Variants in COMMD10 observed in about 807,000 individuals in gnomAD.
The protein encoded by COMMD10 is COMM domain-containing protein 10.
Under a neutral mutation model 28.9 loss-of-function variants are expected in COMMD10, and 33 were observed. The ratio of observed to expected loss-of-function variants is 1.14; its 90% CI spans 0.87 to 1.53. The LOEUF (loss-of-function observed/expected upper bound fraction) is 1.53, where lower values mean the gene tolerates loss of function less well. Ranked by LOEUF, COMMD10 falls within the 40% of genes most tolerant of loss-of-function variation. COMMD10 has a pLI of 0.00. For missense variants in COMMD10, 310 were observed against 233.4 expected, an observed-to-expected ratio of 1.33 and a Z score of -2.14; for synonymous variants, 110 against 81.7, an observed-to-expected ratio of 1.35 and a Z score of -1.87.
rs562053706 is a variant in COMMD10 at position 116,193,977 on chromosome 5, C to T, written c.510+59799C>T. Among the ~76,000 whole-genome samples, 249 of 152,174 alleles carry T rather than the reference C, an allele frequency of 1.6e-3. 3 individuals are homozygous for T. The highest frequency in any genetic ancestry group is 5.6e-3 in the African/African-American group (232 of 41,540). On this transcript the variant is annotated intron_variant, in intron 5 of 6. Transcript: ENST00000274458. ...ATGATATCAAGCCACTCTCTCAGAC[C>T]ACAGTGGAATAAAACTGGAAATCAA...
intron 5 of COMMD10, among the ~76,000 whole-genome samples, chr5:116,235,457 G>A (rs1048030943): frequency 6.6e-6 from 1 of 152,102 alleles, no homozygotes; most frequent in African/African-American, 2.4e-5. Flanking sequence ...TAGATTTGCT[G>A]TTACTTAGCT....
chr5:116,108,875 A>G (rs962787613), intron 4 of COMMD10, among the ~76,000 whole-genome samples: 1 of 152,194 alleles, frequency 6.6e-6, no homozygotes, highest in Middle Eastern at 3.4e-3. Flanking sequence ...ACCGTGGGAA[A>G]AGCACAGTTT....
At chr5:116,166,337 C>G (rs1287851605) in intron 5 of COMMD10, among the ~76,000 whole-genome samples, 1 of 152,148 alleles carries the variant, frequency 6.6e-6, no homozygotes, top group Non-Finnish European at 1.5e-5. Context: ...TCTAAGTAGC[C>G]AGACATACCC....
In COMMD10 at chr5:116,200,706, G is replaced by A. The variant is rs188385822; in HGVS notation, c.510+66528G>A. Among the ~76,000 whole-genome samples the A allele has an allele frequency of 5.3e-5, 8 of 151,866 alleles. No homozygotes were observed. The East Asian group carries it at 1.2e-3, about 22-fold the overall frequency. ...CTTTCCTGAGTTTTGTCCATTCAAC[G>A]GCATTCTTGATTTCTGTTACAGTGG... is the stretch of plus-strand genomic sequence containing the variant. On this transcript the variant is annotated intron_variant, in intron 5 of 6. Coordinates refer to ENST00000274458, the MANE Select transcript of COMMD10 (RefSeq NM_016144.4).
At chr5:116,135,736 G>A (rs1161539991) in intron 5 of COMMD10, among the ~76,000 whole-genome samples, 1 of 152,058 alleles carries the variant, frequency 6.6e-6, no homozygotes, top group African/African-American at 2.4e-5. Flanking sequence ...TTTATCATAG[G>A]TTTGTATATA....
At chr5:116,139,971 A>G (rs1752143784) in intron 5 of COMMD10, among the ~76,000 whole-genome samples, 1 of 151,760 alleles carries the variant, frequency 6.6e-6, no homozygotes, top group Non-Finnish European at 1.5e-5. Flanking sequence ...CTGATGCTGT[A>G]CATCAGATCT....
At chr5:116,168,979 C>A (rs557451900) in intron 5 of COMMD10, among the ~76,000 whole-genome samples, 2 of 151,882 alleles carry the variant, frequency 1.3e-5, no homozygotes, top group South Asian at 4.2e-4. Context: ...TAACTAAGAT[C>A]AGAGTAGAAC....
intron 3 of COMMD10, among the ~76,000 whole-genome samples, chr5:116,092,058 A>G (rs1281254749): frequency 6.6e-6 from 1 of 152,224 alleles, no homozygotes; most frequent in Non-Finnish European, 1.5e-5. Context: ...AGAATAATGT[A>G]AGAAACAGAA....
intron 5 of COMMD10, among the ~76,000 whole-genome samples, chr5:116,174,283 G>T (rs1196694810): frequency 1.3e-5 from 2 of 152,168 alleles, no homozygotes; most frequent in African/African-American, 4.8e-5. Context: ...AAGGAGGCCA[G>T]TGTGGCAGGA....
At chr5:116,148,601 C>G (rs1008596300) in intron 5 of COMMD10, among the ~76,000 whole-genome samples, 1 of 151,642 alleles carries the variant, frequency 6.6e-6, no homozygotes, top group African/African-American at 2.4e-5. Flanking sequence ...GTGGAATTTT[C>G]TAGCCGAAAG....
intron 4 of COMMD10, among the ~76,000 whole-genome samples, chr5:116,106,856 T>C (rs912028547): frequency 2.6e-5 from 4 of 152,236 alleles, no homozygotes; most frequent in Non-Finnish European, 4.4e-5. Context: ...CCCTTTATTT[T>C]GAGCCTATGT....
At chr5:116,163,964 C>T (rs1231917866) in intron 5 of COMMD10, among the ~76,000 whole-genome samples, 1 of 152,084 alleles carries the variant, frequency 6.6e-6, no homozygotes, top group Non-Finnish European at 1.5e-5. Flanking sequence ...ATTGAAGTTA[C>T]AGGTTTATCT....
chr5:116,262,146 T>TGG (rs1467888394), intron 5 of COMMD10, among the ~76,000 whole-genome samples: 1 of 151,658 alleles, frequency 6.6e-6, no homozygotes, highest in Non-Finnish European at 1.5e-5. Flanking sequence ...CTTTTCCTCT[T>TGG]TAGATGCTAT....
chr5:116,219,605 A>T (rs1358672350), intron 5 of COMMD10, among the ~76,000 whole-genome samples: 1 of 152,150 alleles, frequency 6.6e-6, no homozygotes, highest in African/African-American at 2.4e-5. Context: ...CAAAAAGCAG[A>T]TTTCCAAGAG....
chr5:116,257,526 A>G (rs1014002753), intron 5 of COMMD10, among the ~76,000 whole-genome samples: 2 of 151,700 alleles, frequency 1.3e-5, no homozygotes, highest in Non-Finnish European at 2.9e-5. Context: ...ACAGCTTTTG[A>G]CAGTTGGTTT....
Position 116,293,168 on chromosome 5 carries a change from T to A in COMMD10, c.*679T>A. Reference sequence around the variant, plus strand: ...TTATAGTTTGGGAGACAGAATCAGGTCTTGAATAAAATAATTGTAATGAGT... The same window carrying A: ...TTATAGTTTGGGAGACAGAATCAGGACTTGAATAAAATAATTGTAATGAGT... On this transcript the variant is annotated 3_prime_UTR_variant, in exon 7 of 7. Coordinates refer to ENST00000274458, the MANE Select transcript of COMMD10 (RefSeq NM_016144.4). 2.6e-6 allele frequency: 1 copy of A among 392,008 alleles called. No homozygotes were observed. Among genetic ancestry groups the A allele is most frequent in the Non-Finnish European group, 4.5e-6 (1 of 221,872 alleles). 24.3% of individuals were successfully genotyped at this position (392,008 alleles called of 1,614,324 possible).
intron 2 of COMMD10, among the ~76,000 whole-genome samples, chr5:116,087,951 G>A (rs1392996466): frequency 2.6e-5 from 4 of 152,124 alleles, no homozygotes; most frequent in Admixed American, 2.6e-4. Flanking sequence ...AAATTCTGAT[G>A]TCTTGGTTTT....
intron 5 of COMMD10, among the ~76,000 whole-genome samples, chr5:116,290,574 G>C (rs909832931): frequency 6.6e-6 from 1 of 151,796 alleles, no homozygotes; most frequent in Non-Finnish European, 1.5e-5. Flanking sequence ...CATAGAAACT[G>C]CGAACTAGAA....
At chr5:116,287,620 GCTGT>G (rs1447844231) in intron 5 of COMMD10, among the ~76,000 whole-genome samples, 3 of 151,490 alleles carry the variant, frequency 2.0e-5, no homozygotes, top group Admixed American at 6.6e-5. Context: ...TTTGTTAGTT[GCTGT>G]CTATGTCTTG....
Sources: allele counts gnomAD v4.1 joint callset (sites outside exome capture counted in the v4.1 genomes callset), GRCh38; gene constraint gnomAD v4.1.1; transcripts MANE v1.5; gene names NCBI Gene and HGNC (gene_info 2026-07-23, HGNC 2026-07-21).